Variants in LRRTM4 observed in about 807,000 individuals in gnomAD.
The protein encoded by LRRTM4 is leucine-rich repeat transmembrane neuronal protein 4.
LRRTM4 carries 25 observed loss-of-function variants against 47.6 expected under a neutral mutation model. That is an observed-to-expected ratio of 0.53 (90% CI 0.38 to 0.73). The LOEUF (loss-of-function observed/expected upper bound fraction) is 0.73. Among genes scored for constraint, LRRTM4 ranks in the 30% least tolerant of loss-of-function variants. LRRTM4 has a pLI of 0.00. For missense variants in LRRTM4, 638 were observed against 713.4 expected (o/e 0.89, Z 1.20); for synonymous variants, 311 against 269.5 (o/e 1.15, Z -1.51).
chr2:77,469,435 A>T (rs559398498), intron 3 of LRRTM4, among the ~76,000 whole-genome samples: 2 of 40,326 alleles, frequency 5.0e-5, no homozygotes, highest in East Asian at 5.3e-4. Flanking sequence ...TAGAGAGCTA[A>T]TGTACTCAAA....
chr2:77,073,977 G>C (rs894880659), intron 3 of LRRTM4, among the ~76,000 whole-genome samples: 13 of 151,738 alleles, frequency 8.6e-5, no homozygotes, highest in African/African-American at 3.2e-4. Context: ...CTCTTCGTTA[G>C]TTCTACATGG....
chr2:77,520,411 G>A (rs1454367502), intron 2 of LRRTM4, among the ~76,000 whole-genome samples: 1 of 151,980 alleles, frequency 6.6e-6, no homozygotes, highest in Admixed American at 6.6e-5. Context: ...CGCAATATGT[G>A]AGCTCTGAAA....
chr2:76,830,116 A>G (rs1648716885), intron 3 of LRRTM4, among the ~76,000 whole-genome samples: 1 of 152,040 alleles, frequency 6.6e-6, no homozygotes, highest in South Asian at 2.1e-4. Context: ...ATCATTTTAC[A>G]TGTCAGAAGT....
chr2:77,300,836 T>A (rs1048820285), intron 3 of LRRTM4, among the ~76,000 whole-genome samples: 8 of 152,278 alleles, frequency 5.3e-5, no homozygotes, highest in African/African-American at 1.9e-4. Flanking sequence ...TGTTACTCTG[T>A]GCTGTTTCTT....
chr2:77,414,773 T>C (rs191455442), intron 3 of LRRTM4, among the ~76,000 whole-genome samples: 1 of 152,320 alleles, frequency 6.6e-6, no homozygotes, highest in Non-Finnish European at 1.5e-5. Flanking sequence ...TGAGCAAATA[T>C]TCCTGTGCCT....
At chr2:76,791,538 A>T (rs1321196356) in intron 3 of LRRTM4, among the ~76,000 whole-genome samples, 1 of 152,190 alleles carries the variant, frequency 6.6e-6, no homozygotes, top group African/African-American at 2.4e-5. Flanking sequence ...GCACACCTCT[A>T]CTTGAGCATA....
intron 3 of LRRTM4, among the ~76,000 whole-genome samples, chr2:76,835,007 T>C (rs1000543547): frequency 6.6e-6 from 1 of 152,078 alleles, no homozygotes; most frequent in Non-Finnish European, 1.5e-5. Context: ...TCAAGAGAGA[T>C]CATCCCCATG....
At chr2:77,321,090 G>GAATATTC (rs1271406069) in intron 3 of LRRTM4, among the ~76,000 whole-genome samples, 8 of 152,126 alleles carry the variant, frequency 5.3e-5, no homozygotes, top group Admixed American at 1.3e-4. Context: ...AGGACAAAAA[G>GAATATTC]AATATTCAAG....
At chr2:77,271,257 C>T (rs1676182838) in intron 3 of LRRTM4, among the ~76,000 whole-genome samples, 1 of 152,186 alleles carries the variant, frequency 6.6e-6, no homozygotes, top group Non-Finnish European at 1.5e-5. Context: ...CCCTTGTCCT[C>T]ACTGGCAGAG....
intron 3 of LRRTM4, among the ~76,000 whole-genome samples, chr2:77,458,731 G>A (rs1381822540): frequency 2.0e-5 from 3 of 150,938 alleles, no homozygotes; most frequent in Non-Finnish European, 2.9e-5. Context: ...CCATTGCTAC[G>A]GTTTATTCTG....
chr2:77,089,571 C>T (rs1479973604), intron 3 of LRRTM4, among the ~76,000 whole-genome samples: 2 of 151,746 alleles, frequency 1.3e-5, no homozygotes, highest in Admixed American at 6.6e-5. Context: ...AAGGTAAGAA[C>T]CCCCGAACCC....
chr2:77,446,441 A>G (rs1676053867), intron 3 of LRRTM4, among the ~76,000 whole-genome samples: 1 of 152,080 alleles, frequency 6.6e-6, no homozygotes, highest in Admixed American at 6.6e-5. Context: ...CTTCAAAGAT[A>G]TAATATTGGG....
At chr2:77,036,465 C>T (rs1401425073) in intron 3 of LRRTM4, among the ~76,000 whole-genome samples, 1 of 151,630 alleles carries the variant, frequency 6.6e-6, no homozygotes, top group Admixed American at 6.6e-5. Flanking sequence ...TCAGATATCT[C>T]ATCCTTTACA....
chr2:77,448,567 G>T (rs2103946239), intron 3 of LRRTM4, among the ~76,000 whole-genome samples: 1 of 151,946 alleles, frequency 6.6e-6, no homozygotes, highest in Admixed American at 6.6e-5. Flanking sequence ...AATGGGAGAA[G>T]AACTGGGAAG....
intron 3 of LRRTM4, among the ~76,000 whole-genome samples, chr2:77,466,018 T>C (rs1348480990): frequency 6.6e-6 from 1 of 152,204 alleles, no homozygotes; most frequent in Non-Finnish European, 1.5e-5. Context: ...AGCATAATGC[T>C]TGTCTAACTC....
intron 3 of LRRTM4, among the ~76,000 whole-genome samples, chr2:77,494,740 G>A (rs1456695314): frequency 1.3e-5 from 2 of 151,924 alleles, no homozygotes; most frequent in African/African-American, 4.8e-5. Flanking sequence ...TAACACACTC[G>A]AAATCGAGAA....
At chr2:76,790,959 TAAACATGGA>T (rs1674940263) in intron 3 of LRRTM4, among the ~76,000 whole-genome samples, 2 of 152,162 alleles carry the variant, frequency 1.3e-5, no homozygotes, top group African/African-American at 2.4e-5. Context: ...TATTTCACTT[TAAACATGGA>T]AAACATGGTC....
chr2:77,061,120 C>T (rs1377484257), intron 3 of LRRTM4, among the ~76,000 whole-genome samples: 1 of 150,314 alleles, frequency 6.7e-6, no homozygotes, highest in Middle Eastern at 3.2e-3. Context: ...TTTTTTTTAA[C>T]CCCAGTTTCT....
intron 3 of LRRTM4, among the ~76,000 whole-genome samples, chr2:77,357,785 G>T (rs951624332): frequency 1.3e-5 from 2 of 152,042 alleles, no homozygotes; most frequent in African/African-American, 4.8e-5. Flanking sequence ...GCATTAGTGT[G>T]CACATACACA....
Sources: allele counts gnomAD v4.1 joint callset (sites outside exome capture counted in the v4.1 genomes callset), GRCh38; gene constraint gnomAD v4.1.1; transcripts MANE v1.5; gene names NCBI Gene and HGNC (gene_info 2026-07-23, HGNC 2026-07-21).